The following HIP1 variants were observed in gnomAD, a reference collection of about 807,000 sequenced individuals.
The protein encoded by HIP1 is huntingtin interacting protein 1, also known as huntingtin-interacting protein 1.
In HIP1, 65 loss-of-function variants were observed where a neutral mutation model predicts 147.6. The ratio of observed to expected loss-of-function variants is 0.44; its 90% confidence interval spans 0.36 to 0.54. The LOEUF is 0.54. Among genes scored for constraint, HIP1 ranks in the 20% least tolerant of loss-of-function variants. The probability of loss-of-function intolerance (pLI) is 0.00; values close to 1 mark genes in which losing one functional copy is unlikely to be tolerated. For synonymous variants in HIP1, 479 were observed against 504.0 expected (o/e 0.95, Z 0.67); for missense variants, 1,061 against 1,299.6 (o/e 0.82, Z 2.82).
intron 30 of HIP1, 38 bp downstream of exon 30, chr7:75,539,285 C>G (rs782781767): frequency 6.8e-7 from 1 of 1,479,834 alleles, no homozygotes; most frequent in Non-Finnish European, 9.5e-7. Flanking sequence ...CTTCCCCTCC[C>G]TGCTGCGGGT....
At chr7:75,595,239 TCTTTCTTTCTTTCTTCCTTCCTTC>T (rs1270435590) in intron 2 of HIP1, among the ~76,000 whole-genome samples, 89 of 110,788 alleles carry the variant, frequency 8.0e-4, no homozygotes, top group African/African-American at 3.5e-3. Flanking sequence ...TTTCTTTCTT[TCTTTCTTTCTTTCTTCCTTCCTTC>T]CTTCCTTCCT....
At chr7:75,717,049 G>A (rs1801345289) in intron 1 of HIP1, among the ~76,000 whole-genome samples, 1 of 151,958 alleles carries the variant, frequency 6.6e-6, no homozygotes, top group Admixed American at 6.6e-5. Context: ...AAACTCCTGG[G>A]CTCAAGCAAT....
chr7:75,610,051 C>T (rs1797373732), intron 1 of HIP1, among the ~76,000 whole-genome samples: 2 of 151,832 alleles, frequency 1.3e-5, no homozygotes, highest in African/African-American at 4.8e-5. Context: ...TATAGGCCCA[C>T]ACCACCACAC....
At chr7:75,715,047 T>C (rs1351392979) in intron 1 of HIP1, among the ~76,000 whole-genome samples, 1 of 152,270 alleles carries the variant, frequency 6.6e-6, no homozygotes, top group East Asian at 1.9e-4. Flanking sequence ...TATGGGTTTG[T>C]CTGATGTTTT....
intron 1 of HIP1, among the ~76,000 whole-genome samples, chr7:75,608,963 C>T (rs587602975): frequency 6.6e-6 from 1 of 152,162 alleles, no homozygotes; most frequent in Non-Finnish European, 1.5e-5. Flanking sequence ...CCTCTGTTCT[C>T]CTGAATGAGT....
rs1323644966 is a variant in HIP1 at position 75,563,064 on chromosome 7, G to A, written c.891C>T (p.Asn297=). ...QIPQLPENPP[N]FLRASALSEH... is the part of the protein sequence containing the mutation. ...CTGACAGGGCTGAGGCTCGCAGGAA[G>A]TTGGGTGGGTTCTGAAGACGGAGAC... is the stretch of plus-strand genomic sequence containing the variant. Residue 297 remains asparagine, a synonymous_variant, in exon 11 of 31, where the codon AAC becomes AAT. Transcript: ENST00000336926. The A allele has an allele frequency of 1.9e-6, 3 of 1,614,222 alleles. No individual in the cohort carries two copies. The highest frequency in any genetic ancestry group is 2.5e-6 in the Non-Finnish European group (3 of 1,180,048).
chr7:75,586,203 G>GC (rs1415990379), intron 5 of HIP1, among the ~76,000 whole-genome samples: 2 of 143,448 alleles, frequency 1.4e-5, no homozygotes, highest in Non-Finnish European at 3.1e-5. Flanking sequence ...TCTTTTTTTT[G>GC]TTTTTTTTTT....
At chr7:75,630,476 A>G (rs956571869) in intron 1 of HIP1, among the ~76,000 whole-genome samples, 45 of 150,134 alleles carry the variant, frequency 3.0e-4, no homozygotes, top group African/African-American at 1.0e-3. Flanking sequence ...AAAAAAAAAA[A>G]AGATTTGTGT....
At chr7:75,699,425 T>C (rs915076511) in intron 1 of HIP1, among the ~76,000 whole-genome samples, 1 of 152,200 alleles carries the variant, frequency 6.6e-6, no homozygotes, top group South Asian at 2.1e-4. Context: ...TCTCCTGGGT[T>C]TTCAGTGGAT....
At chr7:75,575,124 C>G (rs1399653350) in intron 7 of HIP1, among the ~76,000 whole-genome samples, 1 of 151,608 alleles carries the variant, frequency 6.6e-6, no homozygotes, top group Non-Finnish European at 1.5e-5. Flanking sequence ...CACCACTGCA[C>G]TCCAGCCTGG....
At chr7:75,727,643 C>T (rs1343750113) in intron 1 of HIP1, among the ~76,000 whole-genome samples, 1 of 151,762 alleles carries the variant, frequency 6.6e-6, no homozygotes, top group Non-Finnish European at 1.5e-5. Flanking sequence ...GTCAGGAGTT[C>T]GAGACTAGCC....
At chr7:75,640,863 G>C (rs1343173963) in intron 1 of HIP1, among the ~76,000 whole-genome samples, 1 of 151,940 alleles carries the variant, frequency 6.6e-6, no homozygotes, top group African/African-American at 2.4e-5. Context: ...CCACATGAAG[G>C]GGCCCTGAGG....
chr7:75,555,456 C>A lies in HIP1; in HGVS notation c.1923G>T (p.Gln641His). Residue 641 changes from glutamine (Q) to histidine (H), a missense_variant, in exon 19 of 31, where the codon CAG (glutamine) becomes CAT (histidine). Physicochemically the swap from Gln to His is conservative, Grantham distance 24 (BLOSUM62 0). Coordinates refer to ENST00000336926, the MANE Select transcript of HIP1 (RefSeq NM_005338.7). ...AEQVIQDALN[Q>H]LEEPPLISCA... ...AGCTGATGAGAGGAGGTTCTTCAAGCTGGTTCAGGGCGTCTTGTATCACCT... is the reference window on the plus strand; with the variant it reads ...AGCTGATGAGAGGAGGTTCTTCAAGATGGTTCAGGGCGTCTTGTATCACCT... The A allele has an allele frequency of 1.2e-6, 2 of 1,614,124 alleles. No individual in the cohort carries two copies. The highest frequency in any genetic ancestry group is 1.7e-6 in the Non-Finnish European group (2 of 1,180,030).
intron 22 of HIP1, among the ~76,000 whole-genome samples, chr7:75,551,204 T>C (rs1554492070): frequency 1.5e-5 from 2 of 135,426 alleles, no homozygotes; most frequent in Admixed American, 1.5e-4. Context: ...TTTTTTTTTT[T>C]TTTTTTTTTT....
Position 75,547,046 on chromosome 7 carries a change from A to C in HIP1, c.2466-14T>G, listed in dbSNP as rs782230204. 4 of 1,562,412 alleles carry C rather than the reference A, an allele frequency of 2.6e-6. No individual in the cohort carries two copies. Among genetic ancestry groups the C allele is most frequent in the South Asian group, 2.3e-5 (2 of 85,182 alleles). On this transcript the variant is annotated splice_polypyrimidine_tract_variant and intron_variant, in intron 24 of 30. Coordinates refer to ENST00000336926, the MANE Select transcript of HIP1 (RefSeq NM_005338.7). ...CAACCAAGGATCCTGCCAAACAAAC[A>C]AGTCGAGGATACACTGAGATCAAGA...
intron 1 of HIP1, among the ~76,000 whole-genome samples, chr7:75,711,673 T>C (rs935927997): frequency 6.6e-6 from 1 of 152,182 alleles, no homozygotes. Flanking sequence ...GAGGAGAGGA[T>C]AGAGGGGAAG....
intron 1 of HIP1, among the ~76,000 whole-genome samples, chr7:75,604,135 G>A (rs1179075375): frequency 1.3e-5 from 2 of 152,132 alleles, no homozygotes; most frequent in Admixed American, 6.6e-5. Context: ...GACATAGGCT[G>A]GGGCACCATG....
chr7:75,595,572 G>A (rs370259442), intron 2 of HIP1, among the ~76,000 whole-genome samples: 1 of 151,874 alleles, frequency 6.6e-6, no homozygotes, highest in East Asian at 1.9e-4. Context: ...TCGAACTCCT[G>A]GCCTCAAGAG....
At chr7:75,637,975 A>C in intron 1 of HIP1, among the ~76,000 whole-genome samples, 3 of 60,762 alleles carry the variant, frequency 4.9e-5, no homozygotes, top group African/African-American at 1.5e-4. Context: ...GGGCAGACCC[A>C]GACCCCCCCC....
Sources: gnomAD v4.1 joint callset for allele counts (sites outside exome capture counted in the v4.1 genomes callset) on GRCh38, gnomAD v4.1.1 for gene constraint, MANE v1.5 for transcripts, NCBI Gene and HGNC (gene_info 2026-07-23, HGNC 2026-07-21) for gene names.